HNRNPLL: variants seen among roughly 807,000 people sequenced by gnomAD.
The protein encoded by HNRNPLL is heterogeneous nuclear ribonucleoprotein L-like.
In HNRNPLL, 25 loss-of-function variants were observed where a neutral mutation model predicts 67.1. The ratio of observed to expected loss-of-function variants is 0.37; its 90% CI spans 0.27 to 0.52. The LOEUF (loss-of-function observed/expected upper bound fraction) is 0.52, where lower values mean the gene tolerates loss of function less well. Among genes scored for constraint, HNRNPLL ranks in the 20% least tolerant of loss-of-function variants. The pLI, the probability that HNRNPLL is intolerant of heterozygous loss-of-function variation, is 0.90. For synonymous variants in HNRNPLL, 267 were observed against 241.7 expected, an observed-to-expected ratio of 1.10 and a Z score of -0.97; for missense variants, 542 against 673.9, an observed-to-expected ratio of 0.80 and a Z score of 2.17.
chr2:38,588,546 C>CA (rs70954733), intron 2 of HNRNPLL, among the ~76,000 whole-genome samples: 1,253 of 49,896 alleles, frequency 0.025, 24 homozygotes, highest in Non-Finnish European at 0.045. Flanking sequence ...AACTCCATCT[C>CA]AAAAAAAAAA....
intron 2 of HNRNPLL, among the ~76,000 whole-genome samples, chr2:38,588,546 C>CAGAAAAAAAAA (rs1666824062): frequency 2.0e-5 from 1 of 51,018 alleles, no homozygotes; most frequent in Non-Finnish European, 4.7e-5. Flanking sequence ...AACTCCATCT[C>CAGAAAAAAAAA]AAAAAAAAAA....
intron 8 of HNRNPLL, among the ~76,000 whole-genome samples, chr2:38,571,752 A>G (rs997733972): frequency 1.3e-5 from 2 of 152,188 alleles, no homozygotes; most frequent in Non-Finnish European, 2.9e-5. Context: ...GGATCTTTAA[A>G]GGATTATGAT....
At position 38,564,215 on chromosome 2, in the gene HNRNPLL, C is replaced by T. The variant is rs750595186; in HGVS notation, c.1596G>A (p.Leu532=). ...GGGATGATGTAGAAAAGCAAAGCTT[C>T]AATGTATAGGGATTGGAACCATCTG... ...RVPNGSNPYT[L]KLCFSTSSHL is the part of the protein sequence containing the mutation. Residue 532 remains leucine (L), a synonymous_variant, in exon 13 of 13, where the codon TTG becomes TTA. Coordinates refer to ENST00000449105, the MANE Select transcript of HNRNPLL (RefSeq NM_138394.4). 1 of 1,564,072 alleles carries T rather than the reference C, an allele frequency of 6.4e-7. No homozygotes were observed. Among genetic ancestry groups the T allele is most frequent in the Non-Finnish European group, 8.8e-7 (1 of 1,135,558 alleles).
chr2:38,573,990 C>G (rs1666200993), intron 7 of HNRNPLL, among the ~76,000 whole-genome samples: 1 of 151,886 alleles, frequency 6.6e-6, no homozygotes, highest in African/African-American at 2.4e-5. Context: ...GTTAATAACT[C>G]AACTACACAC....
rs141168904 is a variant in HNRNPLL, at chr2:38,577,082, T to C, written c.874+379A>G. Among the ~76,000 whole-genome samples the C allele has an allele frequency of 3.2e-3, 479 of 152,062 alleles. 7 individuals are homozygous for C. The South Asian group carries it at 0.034, about 11-fold the overall frequency. ...TTTTTGACAAATACCCTATTCTTTC[T>C]GCCTTTATTACTCAAAATTCCTCTT... is the stretch of plus-strand genomic sequence containing the variant. On this transcript the variant is annotated intron_variant, in intron 7 of 12. Coordinates refer to ENST00000449105, the MANE Select transcript of HNRNPLL (RefSeq NM_138394.4).
intron 1 of HNRNPLL, 33 bp from the exon 2 acceptor site, chr2:38,591,681 A>G: frequency 6.8e-7 from 1 of 1,480,864 alleles, no homozygotes; most frequent in Non-Finnish European, 9.4e-7. Context: ...AGTTAAAAAA[A>G]TTTTAAGTCT....
chr2:38,591,424 T>C, intron 2 of HNRNPLL, 106 bp downstream of exon 2: 1 of 724,218 alleles, frequency 1.4e-6, no homozygotes, highest in Non-Finnish European at 2.5e-6. Context: ...ACTTTGTTTA[T>C]ATATACAAAC....
rs1665759151 is a variant in HNRNPLL at position 38,564,169 on chromosome 2, T to C, written c.*13A>G. On this transcript the variant is annotated 3_prime_UTR_variant, in exon 13 of 13. Coordinates refer to ENST00000449105, the MANE Select transcript of HNRNPLL (RefSeq NM_138394.4). ...ATAAAGGTGAACATAAATTCTAACA[T>C]GCTCTTCTCTTCTTATAAATGGGAT... 2 of 1,450,716 alleles carry C rather than the reference T, an allele frequency of 1.4e-6. No homozygotes were observed. The highest frequency in any genetic ancestry group is 1.9e-6 in the Non-Finnish European group (2 of 1,032,544). 89.9% of individuals were successfully genotyped at this position (1,450,716 alleles called of 1,614,324 possible). A position where few individuals can be genotyped will look rare whatever the true frequency, so the allele number is the denominator to read the frequency against.
intron 1 of HNRNPLL, 47 bp from the exon 2 acceptor site, chr2:38,591,695 G>A: frequency 2.4e-6 from 3 of 1,265,002 alleles, no homozygotes; most frequent in Non-Finnish European, 2.3e-6. Context: ...TAAGTCTAAG[G>A]CCGAACGCGG....
intron 8 of HNRNPLL, among the ~76,000 whole-genome samples, chr2:38,571,128 A>G (rs1666061865): frequency 6.6e-6 from 1 of 152,218 alleles, no homozygotes; most frequent in African/African-American, 2.4e-5. Context: ...GAGATTAAAC[A>G]TAGTATATAC....
Position 38,577,669 on chromosome 2 carries a change from A to G in HNRNPLL, c.803-137T>C. The G allele has an allele frequency of 9.6e-6, 6 of 623,158 alleles. No individual in the cohort carries two copies. The South Asian group carries it at 1.1e-4, about 12-fold the overall frequency. The allele number at this position is 623,158 out of a possible 1,614,324, so 38.6% of individuals were successfully genotyped here. A position where few individuals can be genotyped will look rare whatever the true frequency, so the allele number is the denominator to read the frequency against. ...ATACGATTCCTGGTTAACTTTAAACATCCATTCATATCCAATTTAAACACA... is the reference window on the plus strand; with the variant it reads ...ATACGATTCCTGGTTAACTTTAAACGTCCATTCATATCCAATTTAAACACA... On this transcript the variant is annotated intron_variant, in intron 6 of 12. Coordinates refer to ENST00000449105, the MANE Select transcript of HNRNPLL (RefSeq NM_138394.4).
chr2:38,594,481 T>C (rs1053461939), intron 1 of HNRNPLL, among the ~76,000 whole-genome samples: 3 of 152,118 alleles, frequency 2.0e-5, no homozygotes, highest in African/African-American at 4.8e-5. Flanking sequence ...GAAAAAAGTA[T>C]GTATATAAAT....
At chr2:38,566,025 ATTAT>A (rs1665846815) in intron 12 of HNRNPLL, 2 of 987,168 alleles carry the variant, frequency 2.0e-6, no homozygotes, top group Non-Finnish European at 2.4e-6. Context: ...ATGTTCCCCT[ATTAT>A]TTAAATACCC....
At chr2:38,595,942 A>G (rs1026180036) in intron 1 of HNRNPLL, among the ~76,000 whole-genome samples, 4 of 152,144 alleles carry the variant, frequency 2.6e-5, no homozygotes, top group African/African-American at 9.6e-5. Flanking sequence ...CCCCTCACCC[A>G]CCTTGTATTT....
chr2:38,586,273 G>A (rs112180992), intron 2 of HNRNPLL, among the ~76,000 whole-genome samples: 2,826 of 152,064 alleles, frequency 0.019, 35 homozygotes, highest in South Asian at 0.063. Context: ...CGCCCACCTC[G>A]GCCTCCCAAA....
At chr2:38,600,478 G>C (rs1265795005) in intron 1 of HNRNPLL, among the ~76,000 whole-genome samples, 1 of 152,088 alleles carries the variant, frequency 6.6e-6, no homozygotes, top group Non-Finnish European at 1.5e-5. Context: ...TGTAATCCCA[G>C]CACTTTGGGA....
intron 4 of HNRNPLL, among the ~76,000 whole-genome samples, chr2:38,582,471 C>T (rs558623557): frequency 2.8e-4 from 42 of 151,068 alleles, no homozygotes; most frequent in East Asian, 5.8e-4. Context: ...CCACCGCACC[C>T]GGCTAATTTT....
rs751487477 is a variant in HNRNPLL at position 38,602,472 on chromosome 2, T to A, written c.155A>T (p.Asp52Val). Residue 52 changes from aspartate to valine, a missense_variant, in exon 1 of 13, where the codon GAT (aspartate) becomes GTT (valine). This residue lies in a region of HNRNPLL where 127 missense variants were observed against 98.7 expected (regional missense o/e 1.29). Coordinates refer to ENST00000449105, the MANE Select transcript of HNRNPLL (RefSeq NM_138394.4). Reference sequence around the variant, plus strand: ...GAAGCTCCGGCCGCCGCCGCCGCCATCGCCCCCGCCCCGGGGCGTCGCTTC... The same window carrying A: ...GAAGCTCCGGCCGCCGCCGCCGCCAACGCCCCCGCCCCGGGGCGTCGCTTC... ...RREATPRGGG[D>V]GGGGGRSFSQ... 5.2e-6 allele frequency: 8 copies of A among 1,540,392 alleles called. No individual in the cohort carries two copies. The African/African-American group carries it at 1.1e-4, about 21-fold the overall frequency.
At chr2:38,577,390 C>T in intron 7 of HNRNPLL, 71 bp downstream of exon 7, 1 of 937,940 alleles carries the variant, frequency 1.1e-6, no homozygotes, top group African/African-American at 1.6e-5. Context: ...AGAAATGTGC[C>T]ATACTTCATC....
Sources: allele counts gnomAD v4.1 joint callset (sites outside exome capture counted in the v4.1 genomes callset), GRCh38; gene constraint gnomAD v4.1.1; regional missense constraint gnomAD v4.1.1; transcripts MANE v1.5; gene names NCBI Gene and HGNC (gene_info 2026-07-23, HGNC 2026-07-21).